The following RBFOX3 variants were observed in gnomAD, a reference collection of about 807,000 sequenced individuals.
RBFOX3 encodes the protein RNA binding protein fox-1 homolog 3.
Under a neutral mutation model 48.7 loss-of-function variants are expected in RBFOX3, and 17 were observed. The observed-to-expected ratio is 0.35, with a 90% CI of 0.24 to 0.52. The LOEUF is 0.52. Ranked by LOEUF, RBFOX3 falls within the 20% of genes least tolerant of loss-of-function variation. RBFOX3 has a pLI of 0.94. For missense variants in RBFOX3, 382 were observed against 497.5 expected, an observed-to-expected ratio of 0.77 and a Z score of 2.21; for synonymous variants, 212 against 209.5, an observed-to-expected ratio of 1.01 and a Z score of -0.10.
At chr17:79,458,661 AGGGCAGCTCAGCTGAGCTGGGGCGG>A (rs2074947925) in intron 2 of RBFOX3, among the ~76,000 whole-genome samples, 2 of 151,666 alleles carry the variant, frequency 1.3e-5, no homozygotes, top group Middle Eastern at 3.2e-3. Context: ...CTGCAGTGCT[AGGGCAGCTCAGCTGAGCTGGGGCGG>A]GGGCAGCAGC....
At chr17:79,504,203 G>A (rs2082765849) in intron 1 of RBFOX3, among the ~76,000 whole-genome samples, 1 of 152,218 alleles carries the variant, frequency 6.6e-6, no homozygotes, top group Non-Finnish European at 1.5e-5. Flanking sequence ...ACATTGGCAT[G>A]TACCCCAATC....
At chr17:79,207,127 T>G (rs892051126) in intron 4 of RBFOX3, among the ~76,000 whole-genome samples, 1 of 152,214 alleles carries the variant, frequency 6.6e-6, no homozygotes, top group Non-Finnish European at 1.5e-5. Context: ...AGTTTCCAAA[T>G]GCTTACTGGG....
chr17:79,457,894 G>C (rs529208513), intron 2 of RBFOX3, among the ~76,000 whole-genome samples: 1 of 152,378 alleles, frequency 6.6e-6, no homozygotes, highest in South Asian at 2.1e-4. Context: ...GTTCAGGAAA[G>C]GGTGTGGCAG....
At chr17:79,500,185 A>G (rs2082196423) in intron 1 of RBFOX3, among the ~76,000 whole-genome samples, 1 of 152,006 alleles carries the variant, frequency 6.6e-6, no homozygotes, top group Admixed American at 6.6e-5. Context: ...CAGACCCATA[A>G]GGGAGACCAG....
intron 2 of RBFOX3, among the ~76,000 whole-genome samples, chr17:79,439,305 G>T (rs575429082): frequency 5.3e-5 from 8 of 152,324 alleles, no homozygotes; most frequent in African/African-American, 1.7e-4. Flanking sequence ...CCATGCAGTG[G>T]ATATAGTTTA....
chr17:79,132,574 G>A (rs1175643875), intron 4 of RBFOX3: 1 of 152,416 alleles, frequency 6.6e-6, no homozygotes, highest in Admixed American at 6.5e-5. Context: ...AGAGCTGCTG[G>A]GGGCAGAGTC....
At position 79,513,002 on chromosome 17, in the gene RBFOX3, A is replaced by G. The variant is rs556349764; in HGVS notation, c.-319-30404T>C. ...ACATGTTACCATCGGGTACAGCCCC[A>G]TGGCCAGGGGACACCCACCCGGATA... On this transcript the variant is annotated intron_variant, in intron 1 of 14. Transcript: ENST00000693108. Among the ~76,000 whole-genome samples, 6 of 148,888 alleles carry G rather than the reference A, an allele frequency of 4.0e-5. No homozygotes were observed. In the East Asian group the frequency reaches 7.9e-4, roughly 20 times the overall value.
chr17:79,357,271 A>C (rs1011745303), intron 2 of RBFOX3, among the ~76,000 whole-genome samples: 1 of 152,256 alleles, frequency 6.6e-6, no homozygotes, highest in Non-Finnish European at 1.5e-5. Context: ...TAAGCTGCCC[A>C]AAAACGAAAC....
intron 4 of RBFOX3, among the ~76,000 whole-genome samples, chr17:79,184,079 A>T (rs1568303060): frequency 6.6e-6 from 1 of 151,466 alleles, no homozygotes; most frequent in South Asian, 2.1e-4. Context: ...GCCTTTCCTA[A>T]GGGAGGCCGG....
At chr17:79,258,752 C>G (rs1469667234) in intron 3 of RBFOX3, among the ~76,000 whole-genome samples, 2 of 152,132 alleles carry the variant, frequency 1.3e-5, no homozygotes, top group African/African-American at 4.8e-5. Context: ...TGCTGAAGAC[C>G]CTGTTCAGGA....
intron 2 of RBFOX3, among the ~76,000 whole-genome samples, chr17:79,320,141 G>C (rs62061496): frequency 0.43 from 65,322 of 152,098 alleles, 14,973 homozygotes; most frequent in Non-Finnish European, 0.53. Flanking sequence ...TTGAGTGGCT[G>C]GTGTCTCCTG....
In RBFOX3 at chr17:79,156,832, T is replaced by C. The variant is rs183720351; in HGVS notation, c.-33-41084A>G. Among the ~76,000 whole-genome samples the C allele has an allele frequency of 5.0e-3, 768 of 152,254 alleles. 6 individuals are homozygous for C. Among genetic ancestry groups the C allele is most frequent in the African/African-American group, 0.018 (732 of 41,544 alleles). ...AGCCTGGCTTGCTGGAGTCCTTGGCTTCTGCTGATGGGAACTGGCCCTTCT... is the reference window on the plus strand; with the variant it reads ...AGCCTGGCTTGCTGGAGTCCTTGGCCTCTGCTGATGGGAACTGGCCCTTCT... On this transcript the variant is annotated intron_variant, in intron 4 of 14. Coordinates refer to ENST00000693108, the MANE Select transcript of RBFOX3 (RefSeq NM_001350451.2).
chr17:79,292,639 C>T (rs1420379511), intron 3 of RBFOX3, among the ~76,000 whole-genome samples: 1 of 151,750 alleles, frequency 6.6e-6, no homozygotes, highest in Admixed American at 6.6e-5. Context: ...CAGTGCACTG[C>T]CCTTAGAAGT....
At chr17:79,247,924 G>A (rs2063396064) in intron 3 of RBFOX3, among the ~76,000 whole-genome samples, 6 of 152,236 alleles carry the variant, frequency 3.9e-5, no homozygotes, top group Admixed American at 3.3e-4. Context: ...GGGATGAAAG[G>A]CAGCCCAACC....
chr17:79,092,074 T>G, intron 14 of RBFOX3: 1 of 985,470 alleles, frequency 1.0e-6, no homozygotes, highest in Non-Finnish European at 1.2e-6. Flanking sequence ...AGACCCACAC[T>G]GGGTGCCTGG....
At chr17:79,240,219 G>A (rs1205182506) in intron 3 of RBFOX3, among the ~76,000 whole-genome samples, 2 of 152,124 alleles carry the variant, frequency 1.3e-5, no homozygotes, top group African/African-American at 2.4e-5. Flanking sequence ...TGCTTGTGTG[G>A]CCCTTGAAAT....
intron 3 of RBFOX3, among the ~76,000 whole-genome samples, chr17:79,267,845 G>C (rs967781132): frequency 1.3e-5 from 2 of 152,132 alleles, no homozygotes; most frequent in African/African-American, 4.8e-5. Flanking sequence ...CAACTGGCAA[G>C]GTAGAAGGAG....
intron 3 of RBFOX3, among the ~76,000 whole-genome samples, chr17:79,303,114 T>C (rs747067678): frequency 3.9e-5 from 6 of 152,090 alleles, no homozygotes; most frequent in Non-Finnish European, 8.8e-5. Flanking sequence ...GAGGCTGAGG[T>C]CGGAGGATCG....
chr17:79,205,250 A>G lies in RBFOX3; in HGVS notation c.-34+30516T>C, dbSNP rs1018981327. ...GCAGGAGGATACATGGTTAGAGCAG[A>G]CACTGATACCTGTGAAATGAAAACA... On this transcript the variant is annotated intron_variant, in intron 4 of 14. Transcript: ENST00000693108. The surrounding 1 kb of genome is among the most constrained non-coding windows in gnomAD (Gnocchi z 4.5). Among the ~76,000 whole-genome samples the G allele has an allele frequency of 2.6e-5, 4 of 152,162 alleles. No individual in the cohort carries two copies. The highest frequency in any genetic ancestry group is 9.7e-5 in the African/African-American group (4 of 41,436).
Sources: allele counts gnomAD v4.1 joint callset (sites outside exome capture counted in the v4.1 genomes callset), GRCh38; gene constraint gnomAD v4.1.1; non-coding constraint Gnocchi (gnomAD v3.1); transcripts MANE v1.5; gene names NCBI Gene and HGNC (gene_info 2026-07-23, HGNC 2026-07-21).